The following LYRM7 variants were observed in gnomAD, a reference collection of about 807,000 sequenced individuals.
The protein encoded by LYRM7 is LYR motif containing 7.
In LYRM7, 9 loss-of-function variants were observed where a neutral mutation model predicts 15.8. The ratio of observed to expected loss-of-function variants is 0.57; its 90% CI spans 0.34 to 0.99. The LOEUF is 0.99. LYRM7 is among the 50% of genes least tolerant of loss of function. LYRM7 has a pLI of 0.02. For synonymous variants in LYRM7, 39 were observed against 39.4 expected (o/e 0.99, Z 0.04); for missense variants, 115 against 119.1 (o/e 0.97, Z 0.16).
chr5:131,198,370 A>G (rs1402260173), intron 4 of LYRM7, among the ~76,000 whole-genome samples: 2 of 152,204 alleles, frequency 1.3e-5, no homozygotes, highest in Non-Finnish European at 2.9e-5. Context: ...GCATGTAGTC[A>G]TCATGTCTCT....
chr5:131,193,269 G>A (rs147670602), intron 4 of LYRM7, among the ~76,000 whole-genome samples: 446 of 152,264 alleles, frequency 2.9e-3, no homozygotes, highest in African/African-American at 9.8e-3. Context: ...TATGCTAGAC[G>A]CCAGGGATAG....
At chr5:131,184,057 A>T (rs1755755275) in intron 3 of LYRM7, among the ~76,000 whole-genome samples, 1 of 152,008 alleles carries the variant, frequency 6.6e-6, no homozygotes, top group African/African-American at 2.4e-5. Flanking sequence ...TGCAACCTCC[A>T]CCTCTGGGTT....
intron 4 of LYRM7, among the ~76,000 whole-genome samples, chr5:131,196,671 T>C (rs1177491298): frequency 7.0e-6 from 1 of 143,874 alleles, no homozygotes; most frequent in East Asian, 2.0e-4. Flanking sequence ...TCTGTATTTC[T>C]TTTTTTTTTT....
chr5:131,199,797 G>C lies in LYRM7; in HGVS notation c.*196G>C, dbSNP rs1420495412. ...AGAACATAATTAAGTATTTCTAAAG[G>C]AAATTAGATAAGAAAACATTTCATT... On this transcript the variant is annotated 3_prime_UTR_variant, in exon 5 of 5. Coordinates refer to ENST00000379380, the MANE Select transcript of LYRM7 (RefSeq NM_181705.4). The C allele has an allele frequency of 1.6e-5, 6 of 367,156 alleles. No homozygotes were observed. Among genetic ancestry groups the C allele is most frequent in the Non-Finnish European group, 2.5e-5 (5 of 203,444 alleles). The allele number at this position is 367,156 out of a possible 1,614,324, so 22.7% of individuals were successfully genotyped here.
chr5:131,172,642 A>C (rs1217127129), intron 1 of LYRM7, among the ~76,000 whole-genome samples: 1 of 152,222 alleles, frequency 6.6e-6, no homozygotes, highest in Non-Finnish European at 1.5e-5. Flanking sequence ...CTTATGCTAC[A>C]TGTGGGAAGA....
chr5:131,183,705 A>G (rs150892637), intron 3 of LYRM7, among the ~76,000 whole-genome samples: 14 of 152,294 alleles, frequency 9.2e-5, no homozygotes, highest in Non-Finnish European at 1.9e-4. Context: ...AATCTCAGGC[A>G]TCCTCTCTAG....
At chr5:131,198,571 T>C (rs1756008493) in intron 4 of LYRM7, among the ~76,000 whole-genome samples, 1 of 152,068 alleles carries the variant, frequency 6.6e-6, no homozygotes, top group African/African-American at 2.4e-5. Flanking sequence ...ATTTGGAATT[T>C]TTTTTTTTTG....
intron 1 of LYRM7, among the ~76,000 whole-genome samples, chr5:131,177,664 C>G (rs1383427069): frequency 6.6e-6 from 1 of 152,188 alleles, no homozygotes; most frequent in Non-Finnish European, 1.5e-5. Flanking sequence ...TTGCACTGAA[C>G]TTAACATCAT....
Position 131,201,721 on chromosome 5 carries a change from AAAAT to A in LYRM7, c.*2136_*2139del, listed in dbSNP as rs10684991. 5 of 152,006 alleles carry A rather than the reference AAAAT, an allele frequency of 3.3e-5. No homozygotes were observed. The highest frequency in any genetic ancestry group is 2.1e-4 in the South Asian group (1 of 4,806). The allele number at this position is 152,006 out of a possible 1,614,324, so 9.4% of individuals were successfully genotyped here. On this transcript the variant is annotated 3_prime_UTR_variant, in exon 5 of 5. Coordinates refer to ENST00000379380, the MANE Select transcript of LYRM7 (RefSeq NM_181705.4). Reference sequence around the variant, plus strand: ...GCAACAAGAGTGAAACTCCGTCTCAAAAATAAATAAATAAATAAAGTTCCTGTGA... The same window carrying A: ...GCAACAAGAGTGAAACTCCGTCTCAAAAATAAATAAATAAAGTTCCTGTGA...
At chr5:131,195,017 A>G (rs1580700271) in intron 4 of LYRM7, among the ~76,000 whole-genome samples, 1 of 152,168 alleles carries the variant, frequency 6.6e-6, no homozygotes, top group Admixed American at 6.5e-5. Context: ...TTATCCCGGC[A>G]CTTTGGGAGG....
At chr5:131,187,139 A>C (rs55707707) in intron 4 of LYRM7, 30 bp downstream of exon 4, 1 of 1,184,730 alleles carries the variant, frequency 8.4e-7, no homozygotes, top group South Asian at 1.4e-5. Flanking sequence ...AATGGTTTCT[A>C]ACTGCAATGT....
At position 131,202,932 on chromosome 5, in the gene LYRM7, G is replaced by C. The variant is rs566908399; in HGVS notation, c.*3331G>C. The C allele has an allele frequency of 4.6e-5, 7 of 152,246 alleles. No homozygotes were observed. The highest frequency in any genetic ancestry group is 1.4e-4 in the African/African-American group (6 of 41,408). The allele number at this position is 152,246 out of a possible 1,614,324, so 9.4% of individuals were successfully genotyped here. A position where few individuals can be genotyped will look rare whatever the true frequency, so the allele number is the denominator to read the frequency against. ...GATTCGAAGCTGGGGGAATATGGCAGGTAGTTTGTACAACATCTAATTCAG... is the reference window on the plus strand; with the variant it reads ...GATTCGAAGCTGGGGGAATATGGCACGTAGTTTGTACAACATCTAATTCAG... On this transcript the variant is annotated 3_prime_UTR_variant, in exon 5 of 5. Coordinates refer to ENST00000379380, the MANE Select transcript of LYRM7 (RefSeq NM_181705.4).
chr5:131,186,458 G>C (rs941851705), intron 3 of LYRM7, among the ~76,000 whole-genome samples: 1 of 152,134 alleles, frequency 6.6e-6, no homozygotes, highest in Non-Finnish European at 1.5e-5. Flanking sequence ...AAGCAGTACC[G>C]TAGTCCCCCT....
intron 3 of LYRM7, 30 bp downstream of exon 3, chr5:131,182,329 C>T (rs1561544957): frequency 7.5e-7 from 1 of 1,334,004 alleles, no homozygotes; most frequent in Non-Finnish European, 1.0e-6. Flanking sequence ...TATAGTAAAA[C>T]TTATACAATT....
chr5:131,191,273 C>A (rs2149664521), intron 4 of LYRM7, among the ~76,000 whole-genome samples: 1 of 151,782 alleles, frequency 6.6e-6, no homozygotes, highest in Admixed American at 6.6e-5. Context: ...AGCAAAATTC[C>A]TTCAAATATT....
At chr5:131,174,979 G>T (rs1234089723) in intron 1 of LYRM7, among the ~76,000 whole-genome samples, 5 of 152,152 alleles carry the variant, frequency 3.3e-5, no homozygotes, top group African/African-American at 1.2e-4. Context: ...GGGTGATGAG[G>T]TGTGTTGTCA....
chr5:131,195,722 A>G (rs972140473), intron 4 of LYRM7, among the ~76,000 whole-genome samples: 2 of 152,172 alleles, frequency 1.3e-5, no homozygotes, highest in African/African-American at 4.8e-5. Context: ...CATGGAAATG[A>G]CTGGAAACCA....
At chr5:131,172,678 GT>G (rs1755541525) in intron 1 of LYRM7, among the ~76,000 whole-genome samples, 1 of 152,046 alleles carries the variant, frequency 6.6e-6, no homozygotes, top group Admixed American at 6.6e-5. Flanking sequence ...TCCAACAAGG[GT>G]GACAACAAGA....
chr5:131,196,027 AAAG>A (rs1276746121), intron 4 of LYRM7, among the ~76,000 whole-genome samples: 2 of 152,082 alleles, frequency 1.3e-5, no homozygotes, highest in East Asian at 1.9e-4. Context: ...CTACAGATGG[AAAG>A]AAGGATTTAT....
Sources: allele counts gnomAD v4.1 joint callset (sites outside exome capture counted in the v4.1 genomes callset), GRCh38; gene constraint gnomAD v4.1.1; transcripts MANE v1.5; gene names NCBI Gene and HGNC (gene_info 2026-07-23, HGNC 2026-07-21).